The following MFSD11 variants were observed in gnomAD, a reference collection of about 807,000 sequenced individuals.
MFSD11 encodes the protein UNC93-like protein MFSD11.
In MFSD11, 36 loss-of-function variants were observed where a neutral mutation model predicts 53.5. That is an observed-to-expected ratio of 0.67 (90% CI 0.52 to 0.89). The LOEUF is 0.89. Ranked by LOEUF, MFSD11 falls within the 40% of genes least tolerant of loss-of-function variation. MFSD11 has a pLI of 0.00. For missense variants in MFSD11, 530 were observed against 543.9 expected (o/e 0.97, Z 0.25); for synonymous variants, 186 against 184.9 (o/e 1.01, Z -0.05).
At chr17:76,777,047 C>G (rs962146564) in intron 12 of MFSD11, among the ~76,000 whole-genome samples, 1 of 152,044 alleles carries the variant, frequency 6.6e-6, no homozygotes. Context: ...GTGGGCGGAT[C>G]ACGAGGTCAC....
chr17:76,737,098 C>T (rs756403208), upstream of MFSD11: 1 of 1,611,144 alleles, frequency 6.2e-7, no homozygotes, highest in East Asian at 2.2e-5. Flanking sequence ...TGCGGTAGGT[C>T]AGGTTGTCCA....
the MFSD11 span, among the ~76,000 whole-genome samples, chr17:76,791,262 C>T: frequency 6.7e-6 from 1 of 149,162 alleles, no homozygotes; most frequent in Non-Finnish European, 1.5e-5. Context: ...TTAGAGAAGT[C>T]TAGTCCAGAG....
At chr17:76,759,616 G>T (rs2079995910) in intron 8 of MFSD11, among the ~76,000 whole-genome samples, 1 of 151,882 alleles carries the variant, frequency 6.6e-6, no homozygotes, top group Admixed American at 6.6e-5. Flanking sequence ...CACCATGCCT[G>T]GCTAATGTTT....
intron 8 of MFSD11, 178 bp from the exon 9 acceptor site, chr17:76,767,208 G>A (rs967564725): frequency 1.6e-5 from 8 of 505,020 alleles, no homozygotes; most frequent in African/African-American, 6.0e-5. Flanking sequence ...TGAAATAAAC[G>A]TTTTATTTAT....
intron 5 of MFSD11, 25 bp from the exon 6 acceptor site, chr17:76,743,373 C>T (rs747959378): frequency 1.4e-6 from 2 of 1,475,884 alleles, no homozygotes; most frequent in Non-Finnish European, 9.3e-7. Context: ...TACCCAACAT[C>T]CTATCCTCCC....
rs753845015 is a variant in MFSD11, at chr17:76,741,999, C to T, written c.291C>T (p.Phe97=). Residue 97 remains phenylalanine (F), a synonymous_variant, in exon 4 of 13, where the codon TTC becomes TTT. Transcript: ENST00000685175. ...ACATTGCCGTTTTCATCCAGCCTTT[C>T]CCGTGGTCCTTCTACACAGCCTCTG... ...SMYIAVFIQP[F]PWSFYTASVF... The T allele has an allele frequency of 1.9e-6, 3 of 1,614,034 alleles. No homozygotes were observed. The highest frequency in any genetic ancestry group is 2.7e-5 in the African/African-American group (2 of 74,922).
Position 76,767,434 on chromosome 17 carries a change from T to G in MFSD11, c.731T>G (p.Ile244Ser). Residue 244 changes from isoleucine (I) to serine (S), a missense_variant, in exon 9 of 13, where the codon ATT becomes AGT. By Grantham distance (142) the Ile-to-Ser change is moderately radical. Coordinates refer to ENST00000685175, the MANE Select transcript of MFSD11 (RefSeq NM_001242532.5). The part of the protein sequence containing the change: ...CVTKEMLLLS[I>S]TTAYTGLELT... The stretch of plus-strand genomic sequence containing the variant: ...ACCAAGGAGATGCTCCTTCTTAGTA[T>G]TACAACTGCTTATACAGGTAATGGA... The G allele has an allele frequency of 6.3e-7, 1 of 1,592,626 alleles. No individual in the cohort carries two copies. The highest frequency in any genetic ancestry group is 1.1e-5 in the South Asian group (1 of 90,170).
chr17:76,748,704 C>G (rs1226664034), intron 7 of MFSD11, among the ~76,000 whole-genome samples: 1 of 104,988 alleles, frequency 9.5e-6, no homozygotes, highest in Admixed American at 1.2e-4. Context: ...AAAATCTGTC[C>G]TCTATCTCAA....
chr17:76,788,185 T>TG, the MFSD11 span, among the ~76,000 whole-genome samples: 2 of 148,792 alleles, frequency 1.3e-5, no homozygotes, highest in African/African-American at 4.9e-5. Context: ...GATTTACAGT[T>TG]GCACGCTGCC....
chr17:76,788,257 G>T, the MFSD11 span, among the ~76,000 whole-genome samples: 11 of 149,332 alleles, frequency 7.4e-5, no homozygotes, highest in African/African-American at 2.7e-4. Context: ...GTCCAGGCTG[G>T]TTTCAAACTC....
chr17:76,748,996 C>G (rs1433516273), intron 7 of MFSD11, among the ~76,000 whole-genome samples: 8 of 152,038 alleles, frequency 5.3e-5, no homozygotes, highest in Non-Finnish European at 8.8e-5. Context: ...GAAGTTTGTG[C>G]ATTCATGGAG....
chr17:76,762,579 C>T (rs1026082988), intron 8 of MFSD11, among the ~76,000 whole-genome samples: 3 of 150,442 alleles, frequency 2.0e-5, no homozygotes, highest in Admixed American at 6.7e-5. Context: ...TGGTGTGAAC[C>T]GAGGAGGTGG....
chr17:76,736,659 G>A (rs2077505273), upstream of MFSD11: 1 of 1,199,410 alleles, frequency 8.3e-7, no homozygotes. Context: ...TCGCGGGGTG[G>A]CCGGAGGGTC....
At chr17:76,773,045 A>G (rs2144854782) in intron 10 of MFSD11, 1 of 152,506 alleles carries the variant, frequency 6.6e-6, no homozygotes, top group Middle Eastern at 3.4e-3. Context: ...CGGGGCCCTA[A>G]TACCACTAAT....
intron 1 of MFSD11, 75 bp from the exon 2 acceptor site, chr17:76,738,863 C>T: frequency 9.0e-7 from 1 of 1,117,262 alleles, no homozygotes; most frequent in Non-Finnish European, 1.4e-6. Context: ...TTGCTGAGTA[C>T]TTGGAGTCAC....
chr17:76,802,863 AAGTT>A, the MFSD11 span, among the ~76,000 whole-genome samples: 1,501 of 152,274 alleles, frequency 9.9e-3, 13 homozygotes, highest in Middle Eastern at 0.024. Flanking sequence ...CAGCAGGAAG[AAGTT>A]AGAGCAGTCT....
At chr17:76,759,276 T>G (rs1291875488) in intron 8 of MFSD11, among the ~76,000 whole-genome samples, 1 of 151,300 alleles carries the variant, frequency 6.6e-6, no homozygotes. Context: ...TACAATAAAA[T>G]ATATTTCTTT....
At chr17:76,762,101 C>T (rs1043426199) in intron 8 of MFSD11, among the ~76,000 whole-genome samples, 11 of 152,032 alleles carry the variant, frequency 7.2e-5, no homozygotes, top group African/African-American at 2.7e-4. Context: ...CTAATGCAAC[C>T]TCCCTAAGGC....
chr17:76,777,854 T>C (rs541466941), intron 12 of MFSD11, among the ~76,000 whole-genome samples: 1 of 152,222 alleles, frequency 6.6e-6, no homozygotes, highest in Non-Finnish European at 1.5e-5. Context: ...CATTTTATTT[T>C]ATTTTGTAGA....
Sources: gnomAD v4.1 joint callset for allele counts (sites outside exome capture counted in the v4.1 genomes callset) on GRCh38, gnomAD v4.1.1 for gene constraint, MANE v1.5 for transcripts, NCBI Gene and HGNC (gene_info 2026-07-23, HGNC 2026-07-21) for gene names.